The following FETUB variants were observed in gnomAD, a reference collection of about 807,000 sequenced individuals.
The protein encoded by FETUB is fetuin-B.
Under a neutral mutation model 30.9 loss-of-function variants are expected in FETUB, and 28 were observed. The observed-to-expected ratio is 0.90, with a 90% CI of 0.67 to 1.24. The LOEUF is 1.24. Among genes scored for constraint, FETUB ranks in the 50% most tolerant of loss-of-function variants. The pLI, the probability that FETUB is intolerant of heterozygous loss-of-function variation, is 0.00. For synonymous variants in FETUB, 186 were observed against 175.9 expected, an observed-to-expected ratio of 1.06 and a Z score of -0.45; for missense variants, 469 against 455.3, an observed-to-expected ratio of 1.03 and a Z score of -0.27.
chr3:186,643,269 A>G (rs966144049), intron 3 of FETUB, among the ~76,000 whole-genome samples: 6 of 152,188 alleles, frequency 3.9e-5, no homozygotes, highest in African/African-American at 1.4e-4. Context: ...TAAGTAAATA[A>G]TTGGACTAGA....
At chr3:186,649,966 A>G (rs1474500696) in intron 5 of FETUB, among the ~76,000 whole-genome samples, 3 of 151,988 alleles carry the variant, frequency 2.0e-5, no homozygotes, top group South Asian at 2.1e-4. Context: ...TGCAACGGAC[A>G]TGGTATTATT....
Position 186,646,864 on chromosome 3 carries a change from G to A in FETUB, c.696+515G>A, listed in dbSNP as rs577477978. ...AGCTTTATTAAGAAATAATTCATAC[G>A]TTGTAAAATTCATCCATTTAAGGTG... On this transcript the variant is annotated intron_variant, in intron 5 of 6. Coordinates refer to ENST00000265029, the MANE Select transcript of FETUB (RefSeq NM_014375.3). Among the ~76,000 whole-genome samples the A allele has an allele frequency of 3.0e-4, 45 of 152,254 alleles. 1 individual carries two copies. The South Asian group carries it at 4.0e-3, about 13-fold the overall frequency.
intron 2 of FETUB, chr3:186,641,403 T>C: frequency 2.8e-6 from 1 of 360,178 alleles, no homozygotes; most frequent in Admixed American, 4.1e-5. Context: ...CTCCAAGACC[T>C]TCCGTTAGGC....
rs1718016161 is a variant in FETUB, at chr3:186,651,319, T to A, written c.780+18T>A. 1 of 1,515,006 alleles carries A rather than the reference T, an allele frequency of 6.6e-7. No individual in the cohort carries two copies. Among genetic ancestry groups the A allele is most frequent in the Admixed American group, 1.7e-5 (1 of 59,528 alleles). 93.8% of individuals were successfully genotyped at this position (1,515,006 alleles called of 1,614,324 possible). On this transcript the variant is annotated intron_variant, in intron 6 of 6. Transcript: ENST00000265029. The stretch of plus-strand genomic sequence containing the variant: ...AATCACAGGTATTTTTCAATCTAAT[T>A]GCCTGTCTTTCTGTGAAGAAGAGCA...
chr3:186,640,252 G>A, upstream of FETUB: 1 of 590,036 alleles, frequency 1.7e-6, no homozygotes, highest in Admixed American at 3.0e-5. Context: ...AGGTGGATAT[G>A]AGGTTGCTCA....
At position 186,645,128 on chromosome 3, in the gene FETUB, G is replaced by A. The variant is rs73886003; in HGVS notation, c.594+208G>A. On this transcript the variant is annotated intron_variant, in intron 4 of 6. Coordinates refer to ENST00000265029, the MANE Select transcript of FETUB (RefSeq NM_014375.3). Reference sequence around the variant, plus strand: ...CATGGCATTTCTACAAGAGTCAGGCGGCTTGATTTTGCTTCCCTAACCTTA... The same window carrying A: ...CATGGCATTTCTACAAGAGTCAGGCAGCTTGATTTTGCTTCCCTAACCTTA... 2.9e-3 allele frequency among the ~76,000 whole-genome samples: 434 copies of A among 152,206 alleles called. 1 individual carries two copies. Among genetic ancestry groups the A allele is most frequent in the African/African-American group, 0.01 (416 of 41,528 alleles).
chr3:186,645,747 A>G (rs1448500216), intron 4 of FETUB, among the ~76,000 whole-genome samples: 5 of 65,036 alleles, frequency 7.7e-5, no homozygotes, highest in African/African-American at 2.9e-4. Context: ...TTTTTTTTTG[A>G]GACGGAGTCT....
intron 5 of FETUB, among the ~76,000 whole-genome samples, chr3:186,648,772 C>G (rs899159357): frequency 6.6e-6 from 1 of 152,218 alleles, no homozygotes; most frequent in Non-Finnish European, 1.5e-5. Flanking sequence ...TGTAATGAAA[C>G]TGTCTTCTTA....
At chr3:186,652,212 T>A in intron 6 of FETUB, 51 bp from the exon 7 acceptor site, 1 of 1,521,140 alleles carries the variant, frequency 6.6e-7, no homozygotes, top group Non-Finnish European at 8.8e-7. Flanking sequence ...GTACTAGGCA[T>A]GGGAGGACTT....
rs1186793269 is a variant in FETUB at position 186,650,514 on chromosome 3, A to G, written c.697-704A>G. The stretch of plus-strand genomic sequence containing the variant: ...CACAGAGGAATACTATGTAGCCATT[A>G]TTTTAAAAACCCTAGAAGATCATTC... On this transcript the variant is annotated intron_variant, in intron 5 of 6. Coordinates refer to ENST00000265029, the MANE Select transcript of FETUB (RefSeq NM_014375.3). Among the ~76,000 whole-genome samples the G allele has an allele frequency of 2.6e-5, 4 of 152,176 alleles. No homozygotes were observed. In the East Asian group the frequency reaches 7.7e-4, roughly 29 times the overall value.
intron 3 of FETUB, among the ~76,000 whole-genome samples, chr3:186,643,421 C>T (rs1579038428): frequency 6.6e-6 from 1 of 152,180 alleles, no homozygotes; most frequent in African/African-American, 2.4e-5. Flanking sequence ...CAACTACGTG[C>T]GTGTCGCTCC....
Position 186,652,719 on chromosome 3 carries a change from C to T in FETUB, c.*88C>T, listed in dbSNP as rs1186815215. 5 of 1,457,194 alleles carry T rather than the reference C, an allele frequency of 3.4e-6. No homozygotes were observed. The highest frequency in any genetic ancestry group is 2.8e-5 in the African/African-American group (2 of 70,600). 90.3% of individuals were successfully genotyped at this position (1,457,194 alleles called of 1,614,324 possible). A position where few individuals can be genotyped will look rare whatever the true frequency, so the allele number is the denominator to read the frequency against. ...GATGGACAGAGACAGAGCGTGCACACGTAGAGTGGCTAGTGAAGGACGCCT... is the reference window on the plus strand; with the variant it reads ...GATGGACAGAGACAGAGCGTGCACATGTAGAGTGGCTAGTGAAGGACGCCT... On this transcript the variant is annotated 3_prime_UTR_variant, in exon 7 of 7. Coordinates refer to ENST00000265029, the MANE Select transcript of FETUB (RefSeq NM_014375.3).
At chr3:186,644,417 A>G (rs191062264) in intron 3 of FETUB, among the ~76,000 whole-genome samples, 14 of 152,338 alleles carry the variant, frequency 9.2e-5, no homozygotes, top group African/African-American at 2.9e-4. Context: ...TGAAATCCCA[A>G]TCTCTGAAGA....
chr3:186,647,394 T>C (rs1717639734), intron 5 of FETUB, among the ~76,000 whole-genome samples: 1 of 152,172 alleles, frequency 6.6e-6, no homozygotes, highest in African/African-American at 2.4e-5. Context: ...ATGCTCCATG[T>C]TTAACCCTTT....
At position 186,653,011 on chromosome 3, in the gene FETUB, G is replaced by A. The variant is rs577204496; in HGVS notation, c.*380G>A. ...GAGTAAAGATACTTTCCCTAACACC[G>A]GGAGGCGTGAGCAACTAATGCCCAG... is the stretch of plus-strand genomic sequence containing the variant. On this transcript the variant is annotated 3_prime_UTR_variant, in exon 7 of 7. Coordinates refer to ENST00000265029, the MANE Select transcript of FETUB (RefSeq NM_014375.3). 1.2e-3 allele frequency: 200 copies of A among 165,418 alleles called. 2 individuals are homozygous for A. Among genetic ancestry groups the A allele is most frequent in the Admixed American group, 2.2e-3 (39 of 17,344 alleles). 10.2% of individuals were successfully genotyped at this position (165,418 alleles called of 1,614,324 possible).
chr3:186,639,472 C>G (rs1039813627), upstream of FETUB, among the ~76,000 whole-genome samples: 1 of 152,142 alleles, frequency 6.6e-6, no homozygotes, highest in African/African-American at 2.4e-5. Context: ...ACCTCATGGA[C>G]TAGGGCTTTA....
intron 6 of FETUB, chr3:186,651,904 G>T (rs930221680): frequency 2.9e-5 from 5 of 174,996 alleles, no homozygotes; most frequent in Non-Finnish European, 6.1e-5. Flanking sequence ...CCTGAATGAA[G>T]GGTGCTGTAC....
At chr3:186,641,215 G>C in intron 2 of FETUB, 75 bp downstream of exon 2, 1 of 858,476 alleles carries the variant, frequency 1.2e-6, no homozygotes, top group East Asian at 2.6e-5. Context: ...CAGGGTCAAG[G>C]GTGCTCAATA....
At chr3:186,640,291 T>A (rs1716925874), upstream of FETUB, 1 of 629,022 alleles carries the variant, frequency 1.6e-6, no homozygotes, top group African/African-American at 1.8e-5. Flanking sequence ...CATTGGGAAA[T>A]GCTATCCAAA....
Sources: allele counts gnomAD v4.1 joint callset (sites outside exome capture counted in the v4.1 genomes callset), GRCh38; gene constraint gnomAD v4.1.1; transcripts MANE v1.5; gene names NCBI Gene and HGNC (gene_info 2026-07-23, HGNC 2026-07-21).